The following CNBD1 variants were observed in gnomAD, a reference collection of about 807,000 sequenced individuals.
CNBD1 encodes the protein cyclic nucleotide binding domain containing 1.
CNBD1 carries 71 observed loss-of-function variants against 54.4 expected under a neutral mutation model. That is an observed-to-expected ratio of 1.30 (90% CI 1.08 to 1.59). CNBD1 has a LOEUF of 1.59. Ranked by LOEUF, CNBD1 falls within the 40% of genes most tolerant of loss-of-function variation. The pLI is 0.00. For synonymous variants in CNBD1, 182 were observed against 170.7 expected (o/e 1.07, Z -0.51); for missense variants, 659 against 518.0 (o/e 1.27, Z -2.64).
intron 4 of CNBD1, among the ~76,000 whole-genome samples, chr8:87,164,342 G>A (rs1419226095): frequency 6.6e-6 from 1 of 151,804 alleles, no homozygotes; most frequent in Admixed American, 6.6e-5. Flanking sequence ...TCAATTGTTT[G>A]AAAGCAGTTG....
rs372824064 is a variant in CNBD1, at chr8:86,959,792, A to T, written c.431+20038A>T. Among the ~76,000 whole-genome samples the T allele has an allele frequency of 5.9e-5, 9 of 152,254 alleles. No individual in the cohort carries two copies. The East Asian group carries it at 1.2e-3, about 20-fold the overall frequency. Reference sequence around the variant, plus strand: ...TTTTTAGCTTCCTTGCGATGGGCTCAAACATCCTCCTTTAGCTCAGAGAAG... The same window carrying T: ...TTTTTAGCTTCCTTGCGATGGGCTCTAACATCCTCCTTTAGCTCAGAGAAG... On this transcript the variant is annotated intron_variant, in intron 4 of 10. Coordinates refer to ENST00000518476, the MANE Select transcript of CNBD1 (RefSeq NM_173538.3).
At position 87,188,987 on chromosome 8, in the gene CNBD1, G is replaced by A. The variant is rs141757184; in HGVS notation, c.432-17006G>A. Among the ~76,000 whole-genome samples, 89 of 149,016 alleles carry A rather than the reference G, an allele frequency of 6.0e-4. 1 individual carries two copies. The highest frequency in any genetic ancestry group is 1.8e-3 in the African/African-American group (74 of 40,780). ...TAAGATTTCCAACAGAATGGTGTTC[G>A]TTTTTTTTTCACAGAGAAATGCAGC... On this transcript the variant is annotated intron_variant, in intron 4 of 10. Coordinates refer to ENST00000518476, the MANE Select transcript of CNBD1 (RefSeq NM_173538.3).
chr8:87,246,196 T>C (rs1416172121), intron 6 of CNBD1, among the ~76,000 whole-genome samples: 1 of 152,180 alleles, frequency 6.6e-6, no homozygotes, highest in African/African-American at 2.4e-5. Flanking sequence ...ATTTTTACTC[T>C]GGCAAACCTG....
chr8:87,172,349 A>G (rs564557525), intron 4 of CNBD1, among the ~76,000 whole-genome samples: 3 of 152,096 alleles, frequency 2.0e-5, no homozygotes, highest in African/African-American at 7.2e-5. Flanking sequence ...TTCTACAGCT[A>G]TTGGATGAAA....
chr8:87,121,897 T>C (rs557297441), intron 4 of CNBD1, among the ~76,000 whole-genome samples: 6 of 151,586 alleles, frequency 4.0e-5, no homozygotes, highest in South Asian at 4.2e-4. Context: ...TATATATATA[T>C]ACACACACAT....
intron 1 of CNBD1, among the ~76,000 whole-genome samples, chr8:86,878,336 G>T (rs1411600203): frequency 1.3e-5 from 2 of 152,090 alleles, no homozygotes; most frequent in Non-Finnish European, 2.9e-5. Context: ...GTGGTGGAGA[G>T]TGCACTAGTT....
intron 4 of CNBD1, among the ~76,000 whole-genome samples, chr8:86,968,687 T>G (rs1251224726): frequency 6.6e-6 from 1 of 152,208 alleles, no homozygotes; most frequent in Non-Finnish European, 1.5e-5. Flanking sequence ...TTGCATCCTT[T>G]TGAGTCTTTG....
intron 5 of CNBD1, among the ~76,000 whole-genome samples, chr8:87,227,846 G>T (rs1254608322): frequency 4.8e-5 from 7 of 146,600 alleles, no homozygotes; most frequent in South Asian, 2.2e-4. Flanking sequence ...TTTCTAACTT[G>T]GTTCCATTCT....
At chr8:86,887,696 T>C (rs1808702032) in intron 2 of CNBD1, 85 bp downstream of exon 2, 2 of 936,088 alleles carry the variant, frequency 2.1e-6, no homozygotes, top group Non-Finnish European at 3.2e-6. Flanking sequence ...TAATAAACCA[T>C]TGCTGGCTCT....
intron 4 of CNBD1, among the ~76,000 whole-genome samples, chr8:87,107,832 C>T (rs1032333667): frequency 2.0e-5 from 3 of 152,204 alleles, no homozygotes; most frequent in African/African-American, 7.2e-5. Flanking sequence ...CTCTGCCTGG[C>T]AACAGCATAT....
At chr8:87,209,603 A>C (rs1255219523) in intron 5 of CNBD1, among the ~76,000 whole-genome samples, 1 of 152,154 alleles carries the variant, frequency 6.6e-6, no homozygotes, top group Non-Finnish European at 1.5e-5. Context: ...ATACTAGTCA[A>C]ATTGATCTAT....
At chr8:87,081,592 G>A (rs1404561659) in intron 4 of CNBD1, among the ~76,000 whole-genome samples, 1 of 150,046 alleles carries the variant, frequency 6.7e-6, no homozygotes, top group African/African-American at 2.4e-5. Context: ...TGCAAGCTTC[G>A]CCTCCCTGGT....
intron 2 of CNBD1, among the ~76,000 whole-genome samples, chr8:87,396,397 C>G (rs145148603): frequency 6.6e-6 from 1 of 152,028 alleles, no homozygotes; most frequent in African/African-American, 2.4e-5. Flanking sequence ...TCACTGAAAT[C>G]TACATGCCTA....
At chr8:87,358,735 G>A (rs1810469760) in intron 10 of CNBD1, among the ~76,000 whole-genome samples, 1 of 152,170 alleles carries the variant, frequency 6.6e-6, no homozygotes, top group Non-Finnish European at 1.5e-5. Context: ...GTCTGAAGGG[G>A]AACTGAGGGT....
chr8:87,274,081 C>G (rs1466806870), intron 6 of CNBD1, among the ~76,000 whole-genome samples: 1 of 152,010 alleles, frequency 6.6e-6, no homozygotes, highest in African/African-American at 2.4e-5. Flanking sequence ...TCATCCATGT[C>G]CCTACAAAAG....
At chr8:87,406,370 T>C (rs7827255) in intron 2 of CNBD1, among the ~76,000 whole-genome samples, 82,925 of 151,322 alleles carry the variant, frequency 0.55, 23,770 homozygotes, top group African/African-American at 0.71. Context: ...AAATTCTCAA[T>C]GCATTAAAAA....
At chr8:86,946,502 T>A (rs1807469551) in intron 4 of CNBD1, among the ~76,000 whole-genome samples, 1 of 152,146 alleles carries the variant, frequency 6.6e-6, no homozygotes, top group South Asian at 2.1e-4. Flanking sequence ...TCAGCATAGA[T>A]GTGACTATTA....
intron 4 of CNBD1, among the ~76,000 whole-genome samples, chr8:86,967,848 C>G (rs1175793027): frequency 6.7e-6 from 1 of 149,774 alleles, no homozygotes; most frequent in African/African-American, 2.5e-5. Context: ...TTGTTTTTGC[C>G]TGCTAGTAGC....
chr8:87,282,848 T>C (rs1376249724), intron 6 of CNBD1, among the ~76,000 whole-genome samples: 1 of 152,026 alleles, frequency 6.6e-6, no homozygotes, highest in African/African-American at 2.4e-5. Flanking sequence ...AATGAGATCG[T>C]AAATAGGAGA....
Sources: allele counts gnomAD v4.1 joint callset (sites outside exome capture counted in the v4.1 genomes callset), GRCh38; gene constraint gnomAD v4.1.1; transcripts MANE v1.5; gene names NCBI Gene and HGNC (gene_info 2026-07-23, HGNC 2026-07-21).